The following CALCRL variants were observed in gnomAD, a reference collection of about 807,000 sequenced individuals.
CALCRL encodes calcitonin receptor like receptor, also known as calcitonin gene-related peptide type 1 receptor.
Under a neutral mutation model 60.4 loss-of-function variants are expected in CALCRL, and 27 were observed. That is an observed-to-expected ratio of 0.45 (90% CI 0.33 to 0.62). The LOEUF is 0.62. Among genes scored for constraint, CALCRL ranks in the 20% least tolerant of loss-of-function variants. The probability of loss-of-function intolerance (pLI) is 0.03; values close to 1 mark genes in which losing one functional copy is unlikely to be tolerated. For missense variants in CALCRL, 424 were observed against 540.7 expected, an observed-to-expected ratio of 0.78 and a Z score of 2.14; for synonymous variants, 190 against 182.6, an observed-to-expected ratio of 1.04 and a Z score of -0.33.
intron 1 of CALCRL, among the ~76,000 whole-genome samples, chr2:187,403,476 G>C (rs189437440): frequency 5.3e-5 from 8 of 152,074 alleles, no homozygotes; most frequent in South Asian, 2.1e-4. Context: ...CACATTTGCA[G>C]TTAAAGAAAG....
At chr2:187,353,662 G>A (rs2105704516) in intron 12 of CALCRL, among the ~76,000 whole-genome samples, 1 of 151,972 alleles carries the variant, frequency 6.6e-6, no homozygotes, top group Non-Finnish European at 1.5e-5. Context: ...CATTTCAACA[G>A]GTGTGAGAAT....
At chr2:187,402,340 T>C (rs1688924804) in intron 1 of CALCRL, among the ~76,000 whole-genome samples, 1 of 151,710 alleles carries the variant, frequency 6.6e-6, no homozygotes, top group Non-Finnish European at 1.5e-5. Context: ...TAATAAAGTA[T>C]TATAGGTACT....
intron 8 of CALCRL, among the ~76,000 whole-genome samples, chr2:187,376,950 T>G (rs2105771493): frequency 6.6e-6 from 1 of 152,202 alleles, no homozygotes; most frequent in Admixed American, 6.5e-5. Context: ...TAATTAAAAT[T>G]TTACCCTATG....
At chr2:187,425,468 T>C (rs1690078900) in intron 1 of CALCRL, among the ~76,000 whole-genome samples, 1 of 151,916 alleles carries the variant, frequency 6.6e-6, no homozygotes, top group Non-Finnish European at 1.5e-5. Flanking sequence ...TTTATTTGCT[T>C]ATTAGTAGTA....
intron 1 of CALCRL, among the ~76,000 whole-genome samples, chr2:187,438,471 A>G (rs1307626344): frequency 6.6e-6 from 1 of 152,188 alleles, no homozygotes; most frequent in African/African-American, 2.4e-5. Flanking sequence ...GCAATTAAAC[A>G]GAATTTGTAT....
At chr2:187,409,736 G>A (rs1293040854) in intron 1 of CALCRL, among the ~76,000 whole-genome samples, 1 of 152,188 alleles carries the variant, frequency 6.6e-6, no homozygotes, top group African/African-American at 2.4e-5. Context: ...GGAAGAAGAT[G>A]ACCTAATCTG....
At chr2:187,387,265 T>C (rs116377118) in intron 3 of CALCRL, 64 bp downstream of exon 3, 1 of 152,636 alleles carries the variant, frequency 6.6e-6, no homozygotes, top group Non-Finnish European at 1.5e-5. Context: ...TGACATTCAA[T>C]GACAGCACAC....
At chr2:187,402,711 A>G (rs908015536) in intron 1 of CALCRL, among the ~76,000 whole-genome samples, 1 of 151,844 alleles carries the variant, frequency 6.6e-6, no homozygotes, top group Admixed American at 6.6e-5. Context: ...AATCTAGTCC[A>G]GTGAATCAGA....
At chr2:187,398,785 T>A (rs1171126732) in intron 1 of CALCRL, among the ~76,000 whole-genome samples, 2 of 151,590 alleles carry the variant, frequency 1.3e-5, no homozygotes, top group Non-Finnish European at 3.0e-5. Context: ...GGCATGAATA[T>A]CAGACGATTC....
chr2:187,440,889 T>C (rs1466682135), intron 1 of CALCRL, among the ~76,000 whole-genome samples: 1 of 152,054 alleles, frequency 6.6e-6, no homozygotes, highest in Admixed American at 6.6e-5. Context: ...ATTCAATTAA[T>C]TAAAAAATTA....
At chr2:187,357,704 G>A (rs1686858781) in intron 12 of CALCRL, among the ~76,000 whole-genome samples, 1 of 150,894 alleles carries the variant, frequency 6.6e-6, no homozygotes, top group Non-Finnish European at 1.5e-5. Context: ...TAGATGACGA[G>A]TTAGTGGGTG....
intron 1 of CALCRL, among the ~76,000 whole-genome samples, chr2:187,446,486 T>C (rs532015092): frequency 3.3e-5 from 5 of 151,716 alleles, no homozygotes; most frequent in Non-Finnish European, 7.4e-5. Context: ...GGACTAGCAA[T>C]TAAACAAAAA....
At position 187,345,966 on chromosome 2, in the gene CALCRL, G is replaced by C. The variant is rs1686253186; in HGVS notation, c.*218C>G. On this transcript the variant is annotated 3_prime_UTR_variant, in exon 15 of 15. Coordinates refer to ENST00000392370, the MANE Select transcript of CALCRL (RefSeq NM_005795.6). ...AGTAGCGTCACATCAGGCATAGTGGGAGTATTTACTGACAAACATTACAAA... is the reference window on the plus strand; with the variant it reads ...AGTAGCGTCACATCAGGCATAGTGGCAGTATTTACTGACAAACATTACAAA... 2.3e-6 allele frequency: 1 copy of C among 431,798 alleles called. No individual in the cohort carries two copies. The highest frequency in any genetic ancestry group is 4.1e-6 in the Non-Finnish European group (1 of 242,610). The allele number at this position is 431,798 out of a possible 1,614,324, so 26.7% of individuals were successfully genotyped here. A position where few individuals can be genotyped will look rare whatever the true frequency, so the allele number is the denominator to read the frequency against.
At chr2:187,404,267 AT>A (rs1013188874) in intron 1 of CALCRL, among the ~76,000 whole-genome samples, 5 of 151,862 alleles carry the variant, frequency 3.3e-5, no homozygotes, top group African/African-American at 1.2e-4. Context: ...AAGATGGTGC[AT>A]TTTTATCAAA....
chr2:187,383,025 T>C, intron 5 of CALCRL, 148 bp downstream of exon 5: 1 of 689,458 alleles, frequency 1.5e-6, no homozygotes, highest in South Asian at 2.0e-5. Context: ...TCATAAAATG[T>C]TCTTCAAACA....
At chr2:187,389,446 C>T (rs9288140) in intron 1 of CALCRL, among the ~76,000 whole-genome samples, 103,843 of 151,932 alleles carry the variant, frequency 0.68, 35,667 homozygotes, top group East Asian at 0.87. Context: ...GTTAATGTGG[C>T]AAACTCAACC....
At chr2:187,371,114 C>T (rs1372182368) in intron 8 of CALCRL, among the ~76,000 whole-genome samples, 1 of 151,958 alleles carries the variant, frequency 6.6e-6, no homozygotes, top group Non-Finnish European at 1.5e-5. Flanking sequence ...TGGTGGCGGG[C>T]TCCTGCATAG....
intron 1 of CALCRL, among the ~76,000 whole-genome samples, chr2:187,415,189 T>C (rs975912674): frequency 6.6e-6 from 1 of 152,216 alleles, no homozygotes; most frequent in Non-Finnish European, 1.5e-5. Flanking sequence ...ATAGAATATA[T>C]GAAAAGTCCA....
chr2:187,433,966 C>T (rs1470295570), intron 1 of CALCRL, among the ~76,000 whole-genome samples: 1 of 152,004 alleles, frequency 6.6e-6, no homozygotes, highest in Admixed American at 6.6e-5. Context: ...CAATCACTCT[C>T]AGGAGATATG....
Sources: allele counts gnomAD v4.1 joint callset (sites outside exome capture counted in the v4.1 genomes callset), GRCh38; gene constraint gnomAD v4.1.1; transcripts MANE v1.5; gene names NCBI Gene and HGNC (gene_info 2026-07-23, HGNC 2026-07-21).